Variants in CCDC192 observed in about 807,000 individuals in gnomAD.
The protein encoded by CCDC192 is coiled-coil domain containing 192.
At chr5:127,886,787 T>C (rs2127150999) in intron 6 of CCDC192, among the ~76,000 whole-genome samples, 1 of 152,306 alleles carries the variant, frequency 6.6e-6, no homozygotes, top group South Asian at 2.1e-4. Context: ...GTCAGAAACC[T>C]TAACCCCTGT....
At position 127,720,701 on chromosome 5, in the gene CCDC192, C is replaced by G. The variant is rs145950124; in HGVS notation, c.114+12941C>G. Among the ~76,000 whole-genome samples, 14 of 152,360 alleles carry G rather than the reference C, an allele frequency of 9.2e-5. No homozygotes were observed. In the East Asian group the frequency reaches 2.3e-3, roughly 25 times the overall value. ...GCAGACTTCTGCCTGGACATCCAGGCCTTTCCATACATTCCTTGAAATCTA... is the reference window on the plus strand; with the variant it reads ...GCAGACTTCTGCCTGGACATCCAGGGCTTTCCATACATTCCTTGAAATCTA... On this transcript the variant is annotated intron_variant, in intron 2 of 6. Coordinates refer to ENST00000514853, the MANE Select transcript of CCDC192 (RefSeq NM_001317938.2).
At chr5:127,859,446 T>A (rs1176709046) in intron 5 of CCDC192, among the ~76,000 whole-genome samples, 3 of 152,182 alleles carry the variant, frequency 2.0e-5, no homozygotes, top group Non-Finnish European at 2.9e-5. Context: ...TGCAACAGAA[T>A]CACCTAGGAA....
chr5:127,775,871 G>T (rs1226996748), intron 3 of CCDC192, among the ~76,000 whole-genome samples: 1 of 152,134 alleles, frequency 6.6e-6, no homozygotes, highest in Non-Finnish European at 1.5e-5. Context: ...TTTGCTGGCT[G>T]CCATGTAAGA....
intron 5 of CCDC192, among the ~76,000 whole-genome samples, chr5:127,849,065 A>G (rs1354535623): frequency 6.6e-6 from 1 of 152,070 alleles, no homozygotes; most frequent in Non-Finnish European, 1.5e-5. Context: ...CCCCATCTCT[A>G]CTAAAAATAC....
chr5:127,792,204 G>A (rs1306727350), intron 3 of CCDC192, among the ~76,000 whole-genome samples: 1 of 152,128 alleles, frequency 6.6e-6, no homozygotes, highest in East Asian at 1.9e-4. Flanking sequence ...AATTTATAAA[G>A]GAAAGAGGTT....
chr5:127,881,989 G>A (rs1226736511), intron 6 of CCDC192, among the ~76,000 whole-genome samples: 1 of 152,134 alleles, frequency 6.6e-6, no homozygotes, highest in Non-Finnish European at 1.5e-5. Flanking sequence ...CAGCACTTTG[G>A]GAGGCCAAGG....
rs557862989 is a variant in CCDC192 at position 127,798,326 on chromosome 5, A to G, written c.411+164A>G. ...GCGTCTACACAGTTTCTTTTCATAC[A>G]TAAAATTCTGATTTTTGTGGATGAC... On this transcript the variant is annotated intron_variant, in intron 5 of 6. Transcript: ENST00000514853. Among the ~76,000 whole-genome samples, 9 of 152,340 alleles carry G rather than the reference A, an allele frequency of 5.9e-5. No individual in the cohort carries two copies. In the South Asian group the frequency reaches 1.2e-3, roughly 21 times the overall value.
At chr5:127,893,150 G>A (rs1033970868) in intron 6 of CCDC192, among the ~76,000 whole-genome samples, 1 of 152,122 alleles carries the variant, frequency 6.6e-6, no homozygotes, top group African/African-American at 2.4e-5. Context: ...TTACAGATGA[G>A]AAAACTGGGG....
intron 5 of CCDC192, among the ~76,000 whole-genome samples, chr5:127,868,944 G>A (rs1197205790): frequency 6.6e-6 from 1 of 152,124 alleles, no homozygotes; most frequent in African/African-American, 2.4e-5. Context: ...GTCACTTTGG[G>A]CAAGATACTT....
At chr5:127,917,533 CATTTAAGGGTT>C (rs2127184450) in intron 6 of CCDC192, among the ~76,000 whole-genome samples, 1 of 152,124 alleles carries the variant, frequency 6.6e-6, no homozygotes, top group Non-Finnish European at 1.5e-5. Context: ...ACTTAAAAGC[CATTTAAGGGTT>C]ATTAAATAGC....
At chr5:127,789,571 A>T (rs1303999980) in intron 3 of CCDC192, among the ~76,000 whole-genome samples, 1 of 152,252 alleles carries the variant, frequency 6.6e-6, no homozygotes, top group Non-Finnish European at 1.5e-5. Flanking sequence ...TGTTGAGAAT[A>T]CCAAGGGTGT....
intron 1 of CCDC192, among the ~76,000 whole-genome samples, chr5:127,704,281 C>G (rs544999691): frequency 6.6e-6 from 1 of 151,956 alleles, no homozygotes; most frequent in Non-Finnish European, 1.5e-5. Context: ...TTCTGCCTCC[C>G]GGGTTCAAGT....
chr5:127,833,974 A>G (rs1427825595), intron 5 of CCDC192, among the ~76,000 whole-genome samples: 6 of 152,190 alleles, frequency 3.9e-5, no homozygotes, highest in Non-Finnish European at 5.9e-5. Context: ...AGAATATGCC[A>G]TCCCAAAATA....
intron 2 of CCDC192, among the ~76,000 whole-genome samples, chr5:127,749,969 T>G (rs1470016458): frequency 6.6e-6 from 1 of 152,064 alleles, no homozygotes; most frequent in African/African-American, 2.4e-5. Flanking sequence ...ATCCCCTTTA[T>G]CATTTTTTAT....
At chr5:127,749,148 T>C (rs1753969113) in intron 2 of CCDC192, among the ~76,000 whole-genome samples, 1 of 151,984 alleles carries the variant, frequency 6.6e-6, no homozygotes, top group South Asian at 2.1e-4. Flanking sequence ...TCCAACACTA[T>C]GTTGAATAGG....
At chr5:127,833,042 T>TCTAAAA (rs1749874039) in intron 5 of CCDC192, among the ~76,000 whole-genome samples, 1 of 152,184 alleles carries the variant, frequency 6.6e-6, no homozygotes, top group Non-Finnish European at 1.5e-5. Flanking sequence ...TTAGCCCTCT[T>TCTAAAA]GTAAAAGATG....
intron 6 of CCDC192, among the ~76,000 whole-genome samples, chr5:127,915,187 T>G (rs1024663983): frequency 1.2e-4 from 19 of 152,234 alleles, no homozygotes; most frequent in Admixed American, 3.9e-4. Context: ...TATACTGTAG[T>G]CTACCAAGTG....
At chr5:127,933,472 T>A (rs1426059086) in intron 6 of CCDC192, among the ~76,000 whole-genome samples, 3 of 152,138 alleles carry the variant, frequency 2.0e-5, no homozygotes. Context: ...AAGATAGGAA[T>A]CTGTATTTCT....
intron 2 of CCDC192, among the ~76,000 whole-genome samples, chr5:127,753,512 A>C (rs1315967468): frequency 6.6e-6 from 1 of 152,088 alleles, no homozygotes; most frequent in Admixed American, 6.5e-5. Flanking sequence ...CCTGGCCAAC[A>C]TGGGGAATCC....
Sources: allele counts gnomAD v4.1 joint callset (sites outside exome capture counted in the v4.1 genomes callset), GRCh38; gene constraint gnomAD v4.1.1; transcripts MANE v1.5; gene names NCBI Gene and HGNC (gene_info 2026-07-23, HGNC 2026-07-21).